Variants in PEX7 observed in about 807,000 individuals in gnomAD.
PEX7 encodes PTS2 receptor.
Under a neutral mutation model 47.5 loss-of-function variants are expected in PEX7, and 34 were observed. The observed-to-expected ratio is 0.72, with a 90% confidence interval of 0.54 to 0.95. The LOEUF (loss-of-function observed/expected upper bound fraction) is 0.95. PEX7 is among the 40% of genes least tolerant of loss of function. The probability of loss-of-function intolerance (pLI) is 0.00; values close to 1 mark genes in which losing one functional copy is unlikely to be tolerated. For missense variants in PEX7, 394 were observed against 400.3 expected (o/e 0.98, Z 0.13); for synonymous variants, 141 against 148.8 (o/e 0.95, Z 0.38).
At chr6:136,898,870 A>C (rs1464510762) in intron 9 of PEX7, among the ~76,000 whole-genome samples, 2 of 152,052 alleles carry the variant, frequency 1.3e-5, no homozygotes, top group Non-Finnish European at 2.9e-5. Flanking sequence ...AAACACTACA[A>C]TATGTTGAGT....
intron 5 of PEX7, among the ~76,000 whole-genome samples, chr6:136,860,545 A>G (rs1240943737): frequency 1.3e-5 from 2 of 151,472 alleles, no homozygotes; most frequent in African/African-American, 4.9e-5. Flanking sequence ...GAGGGATAGC[A>G]TTAGGAGATA....
intron 9 of PEX7, among the ~76,000 whole-genome samples, chr6:136,905,156 A>C (rs1775824868): frequency 6.6e-6 from 1 of 152,206 alleles, no homozygotes; most frequent in African/African-American, 2.4e-5. Flanking sequence ...GTTCCCAGGA[A>C]TGAGCATCTT....
chr6:136,847,140 CT>C (rs1391182364), intron 5 of PEX7, among the ~76,000 whole-genome samples: 1 of 152,136 alleles, frequency 6.6e-6, no homozygotes, highest in Non-Finnish European at 1.5e-5. Context: ...TAAATGTCTT[CT>C]TTTGAGAAGT....
rs1162544386 is a variant in PEX7 at position 136,913,640 on chromosome 6, A to G, written c.*114A>G. ...GCTTTTATATGCTATTCAGATTTCA[A>G]ATCTTTCCAATTTACCCTGGAATCA... On this transcript the variant is annotated 3_prime_UTR_variant, in exon 10 of 10. Coordinates refer to ENST00000318471, the MANE Select transcript of PEX7 (RefSeq NM_000288.4). 8 of 815,240 alleles carry G rather than the reference A, an allele frequency of 9.8e-6. 1 individual carries two copies. The highest frequency in any genetic ancestry group is 2.2e-4 in the Middle Eastern group (1 of 4,508). 50.5% of individuals were successfully genotyped at this position (815,240 alleles called of 1,614,324 possible). A position where few individuals can be genotyped will look rare whatever the true frequency, so the allele number is the denominator to read the frequency against.
At chr6:136,890,350 C>G (rs13220892) in intron 8 of PEX7, among the ~76,000 whole-genome samples, 13,079 of 152,262 alleles carry the variant, frequency 0.086, 729 homozygotes, top group Admixed American at 0.14. Context: ...TATGGGGTCC[C>G]CCAGAGCCCA....
At chr6:136,878,818 G>A (rs745797096) in intron 8 of PEX7, among the ~76,000 whole-genome samples, 2 of 151,926 alleles carry the variant, frequency 1.3e-5, no homozygotes, top group African/African-American at 4.8e-5. Context: ...ATTATTATTT[G>A]TATTTTATTT....
intron 5 of PEX7, among the ~76,000 whole-genome samples, chr6:136,859,627 T>C (rs1378560277): frequency 6.6e-5 from 10 of 152,166 alleles, no homozygotes; most frequent in Non-Finnish European, 1.5e-4. Context: ...TAGACTCTTA[T>C]GTTTACACTC....
At chr6:136,861,212 G>A (rs1184528635) in intron 5 of PEX7, among the ~76,000 whole-genome samples, 5 of 152,110 alleles carry the variant, frequency 3.3e-5, no homozygotes, top group African/African-American at 4.8e-5. Flanking sequence ...AGCCTCCTGA[G>A]TAGCTGGGAC....
chr6:136,834,704 T>TA (rs1774355492), intron 3 of PEX7, among the ~76,000 whole-genome samples: 1 of 151,898 alleles, frequency 6.6e-6, no homozygotes, highest in Non-Finnish European at 1.5e-5. Flanking sequence ...ATGGTGGGGG[T>TA]TGGACTTTAT....
At chr6:136,824,597 C>G (rs1774154341) in intron 1 of PEX7, among the ~76,000 whole-genome samples, 1 of 152,070 alleles carries the variant, frequency 6.6e-6, no homozygotes, top group Admixed American at 6.5e-5. Context: ...AGAGATTTTC[C>G]CCCTTGGTCT....
At chr6:136,868,206 C>T (rs776458210) in intron 6 of PEX7, among the ~76,000 whole-genome samples, 2 of 152,182 alleles carry the variant, frequency 1.3e-5, no homozygotes, top group Non-Finnish European at 2.9e-5. Flanking sequence ...TGTAAGTACA[C>T]TCTGTGATGT....
At chr6:136,862,723 A>C (rs1774989776) in intron 5 of PEX7, among the ~76,000 whole-genome samples, 1 of 151,980 alleles carries the variant, frequency 6.6e-6, no homozygotes, top group South Asian at 2.1e-4. Flanking sequence ...GACAGACATT[A>C]TTTTTTCAGT....
chr6:136,902,961 T>G (rs1775778169), intron 9 of PEX7, among the ~76,000 whole-genome samples: 2 of 152,152 alleles, frequency 1.3e-5, no homozygotes, highest in Admixed American at 6.5e-5. Context: ...CATGACAAAA[T>G]TTTGGAAATT....
chr6:136,849,293 A>C (rs1482330356), intron 5 of PEX7, among the ~76,000 whole-genome samples: 4 of 152,012 alleles, frequency 2.6e-5, no homozygotes, highest in Non-Finnish European at 4.4e-5. Flanking sequence ...TGATCTTTTC[A>C]AAAAACCAGC....
chr6:136,840,961 CTGCTT>C (rs1774486326), intron 3 of PEX7, among the ~76,000 whole-genome samples: 1 of 152,184 alleles, frequency 6.6e-6, no homozygotes, highest in Non-Finnish European at 1.5e-5. Flanking sequence ...TCTCCTTACT[CTGCTT>C]TTTCTTTGTA....
intron 5 of PEX7, among the ~76,000 whole-genome samples, chr6:136,848,327 C>A (rs1208591501): frequency 6.6e-6 from 1 of 152,088 alleles, no homozygotes; most frequent in Admixed American, 6.6e-5. Context: ...AATTGAATAC[C>A]CTTTATTTCT....
intron 5 of PEX7, among the ~76,000 whole-genome samples, chr6:136,856,904 A>G (rs1774871768): frequency 6.6e-6 from 1 of 151,888 alleles, no homozygotes; most frequent in South Asian, 2.1e-4. Context: ...TCCTTGTGAA[A>G]TGGATACAGT....
At chr6:136,824,102 T>G (rs1305117531) in intron 1 of PEX7, among the ~76,000 whole-genome samples, 1 of 152,258 alleles carries the variant, frequency 6.6e-6, no homozygotes, top group African/African-American at 2.4e-5. Flanking sequence ...TGATTTATTT[T>G]CATTATTAGC....
intron 3 of PEX7, among the ~76,000 whole-genome samples, chr6:136,843,106 G>A: frequency 6.6e-6 from 1 of 152,196 alleles, no homozygotes; most frequent in East Asian, 1.9e-4. Flanking sequence ...GTAGCATGCT[G>A]TACAGATAGC....
Sources: allele counts gnomAD v4.1 joint callset (sites outside exome capture counted in the v4.1 genomes callset), GRCh38; gene constraint gnomAD v4.1.1; transcripts MANE v1.5; gene names NCBI Gene and HGNC (gene_info 2026-07-23, HGNC 2026-07-21).